The following OSBP2 variants were observed in gnomAD, a reference collection of about 807,000 sequenced individuals.
The protein encoded by OSBP2 is oxysterol-binding protein 2.
In OSBP2, 66 loss-of-function variants were observed where a neutral mutation model predicts 96.0. The ratio of observed to expected loss-of-function variants is 0.69; its 90% CI spans 0.56 to 0.84. OSBP2 has a LOEUF of 0.84. OSBP2 is among the 40% of genes least tolerant of loss of function. OSBP2 has a pLI of 0.00. For missense variants in OSBP2, 1,038 were observed against 1,222.7 expected (o/e 0.85, Z 2.25); for synonymous variants, 525 against 520.9 (o/e 1.01, Z -0.11).
chr22:30,851,049 A>C (rs2038969588), intron 2 of OSBP2, among the ~76,000 whole-genome samples: 1 of 151,688 alleles, frequency 6.6e-6, no homozygotes, highest in African/African-American at 2.4e-5. Flanking sequence ...TGTCATTTTA[A>C]ATGGTACTAT....
At chr22:30,902,216 G>GCC (rs1250361405) in intron 12 of OSBP2, 1 of 1,373,330 alleles carries the variant, frequency 7.3e-7, no homozygotes, top group Non-Finnish European at 1.0e-6. Flanking sequence ...CGCTCACAGA[G>GCC]CCCCACACAC....
At chr22:30,891,690 G>A (rs1337027008) in intron 8 of OSBP2, among the ~76,000 whole-genome samples, 1 of 152,088 alleles carries the variant, frequency 6.6e-6, no homozygotes, top group Non-Finnish European at 1.5e-5. Context: ...GCTTTTGAAG[G>A]ATGAGCCAGC....
intron 1 of OSBP2, among the ~76,000 whole-genome samples, chr22:30,733,438 C>G (rs950227410): frequency 2.0e-5 from 3 of 152,152 alleles, no homozygotes; most frequent in Non-Finnish European, 4.4e-5. Flanking sequence ...GGTTTCCATC[C>G]ACTTCCCATT....
chr22:30,905,840 G>C lies in OSBP2; in HGVS notation c.2379G>C (p.Glu793Asp). The change falls in exon 13 of 14, where the codon GAG (glutamate) becomes GAC (aspartate). Residue 793 changes from glutamate (E) to aspartate (D), a missense_variant. Transcript: ENST00000332585. ...KLLWKKYPLP[E>D]NAENMYYFSE... The stretch of plus-strand genomic sequence containing the variant: ...ACCGCCACCACCACCGCCACAGGGA[G>C]AACGCGGAGAACATGTACTACTTCT... The C allele has an allele frequency of 6.2e-7, 1 of 1,612,872 alleles. No homozygotes were observed. Among genetic ancestry groups the C allele is most frequent in the African/African-American group, 1.3e-5 (1 of 75,034 alleles).
At chr22:30,731,327 G>C (rs564913927) in intron 1 of OSBP2, among the ~76,000 whole-genome samples, 1 of 152,252 alleles carries the variant, frequency 6.6e-6, no homozygotes, top group Admixed American at 6.5e-5. Flanking sequence ...GCGAGCTACA[G>C]AGACACGGTG....
At chr22:30,822,262 G>A (rs1408451606) in intron 2 of OSBP2, among the ~76,000 whole-genome samples, 1 of 152,250 alleles carries the variant, frequency 6.6e-6, no homozygotes, top group African/African-American at 2.4e-5. Context: ...TGCTGCAGGG[G>A]ACAGCACTTT....
In OSBP2 at chr22:30,715,856, CTTT is replaced by C. The variant is rs56747830; in HGVS notation, c.644+20320_644+20322del. Among the ~76,000 whole-genome samples the C allele has an allele frequency of 5.7e-3, 744 of 130,234 alleles. 5 individuals are homozygous for C. The highest frequency in any genetic ancestry group is 0.017 in the East Asian group (74 of 4,280). The allele number at this position is 130,234 out of a possible 152,430, so 85.4% of individuals were successfully genotyped here. A position where few individuals can be genotyped will look rare whatever the true frequency, so the allele number is the denominator to read the frequency against. On this transcript the variant is annotated intron_variant, in intron 1 of 13. Transcript: ENST00000332585. ...ATAAGCATGAGCCACCACACCTAAC[CTTT>C]TTTTTTTTTTTTTTTTAACACAGGA...
chr22:30,737,529 A>G (rs979532690), intron 1 of OSBP2, among the ~76,000 whole-genome samples: 4 of 150,754 alleles, frequency 2.7e-5, no homozygotes, highest in Non-Finnish European at 4.4e-5. Flanking sequence ...GGGTCTTCCT[A>G]TGTTGCCCAT....
At chr22:30,700,763 A>G (rs1007287176) in intron 1 of OSBP2, among the ~76,000 whole-genome samples, 2 of 152,154 alleles carry the variant, frequency 1.3e-5, no homozygotes, top group Non-Finnish European at 2.9e-5. Flanking sequence ...TCTATAAGGT[A>G]GATAGCTGCA....
chr22:30,744,132 T>C (rs575995851), intron 2 of OSBP2, among the ~76,000 whole-genome samples: 13 of 152,304 alleles, frequency 8.5e-5, no homozygotes, highest in South Asian at 6.2e-4. Flanking sequence ...TCTGTGTTTA[T>C]GGAAAGATTG....
rs371993896 is a variant in OSBP2 at position 30,875,210 on chromosome 22, C to T, written c.1107+4528C>T. On this transcript the variant is annotated intron_variant, in intron 3 of 13. Coordinates refer to ENST00000332585, the MANE Select transcript of OSBP2 (RefSeq NM_030758.4). ...CCTCAGCCTGCCGAGGTCACCCCTGCACCCCGCACCCCCCTGCACTCCCCT... is the reference window on the plus strand; with the variant it reads ...CCTCAGCCTGCCGAGGTCACCCCTGTACCCCGCACCCCCCTGCACTCCCCT... Among the ~76,000 whole-genome samples the T allele has an allele frequency of 1.2e-4, 18 of 152,166 alleles. No individual in the cohort carries two copies. The South Asian group carries it at 2.7e-3, about 23-fold the overall frequency.
intron 1 of OSBP2, among the ~76,000 whole-genome samples, chr22:30,697,392 C>T (rs182359326): frequency 1.9e-3 from 294 of 152,266 alleles, no homozygotes; most frequent in African/African-American, 7.0e-3. Flanking sequence ...AGTTCTCCTG[C>T]CTCAGTCTCC....
intron 2 of OSBP2, among the ~76,000 whole-genome samples, chr22:30,869,249 A>G (rs55748187): frequency 0.06 from 9,067 of 152,218 alleles, 330 homozygotes; most frequent in Middle Eastern, 0.13. Context: ...TGCCTCTCTC[A>G]TGGAGGCCTC....
chr22:30,833,568 G>A (rs1004216231), intron 2 of OSBP2, among the ~76,000 whole-genome samples: 6 of 152,154 alleles, frequency 3.9e-5, no homozygotes, highest in African/African-American at 1.2e-4. Context: ...AGACATTGAC[G>A]CAGAATTTGC....
At position 30,832,420 on chromosome 22, in the gene OSBP2, A is replaced by G. The variant is rs528275267; in HGVS notation, c.854-38009A>G. 3.2e-4 allele frequency among the ~76,000 whole-genome samples: 49 copies of G among 151,464 alleles called. 1 individual carries two copies. The Middle Eastern group carries it at 0.021, about 64-fold the overall frequency. ...ATCCTCCCACCTCAGCCTCCCAAGT[A>G]GCTGGGACTACAGGCATGTGCCACC... On this transcript the variant is annotated intron_variant, in intron 2 of 13. Transcript: ENST00000332585.
chr22:30,795,518 ATTTT>A (rs136288), intron 2 of OSBP2, among the ~76,000 whole-genome samples: 1 of 122,294 alleles, frequency 8.2e-6, no homozygotes, highest in Admixed American at 8.5e-5. Flanking sequence ...TATCCAATGC[ATTTT>A]TTTTTTTTTT....
intron 2 of OSBP2, among the ~76,000 whole-genome samples, chr22:30,780,463 C>T (rs136307): frequency 0.094 from 14,327 of 152,184 alleles, 854 homozygotes; most frequent in Non-Finnish European, 0.14. Context: ...TGTAATGCAC[C>T]CAGGCTACTA....
At chr22:30,898,673 C>A (rs951098279) in intron 12 of OSBP2, among the ~76,000 whole-genome samples, 3 of 151,844 alleles carry the variant, frequency 2.0e-5, no homozygotes, top group African/African-American at 4.8e-5. Context: ...GGAAACCACC[C>A]CCATGGTCCA....
At chr22:30,717,150 T>C (rs2089476248) in intron 1 of OSBP2, among the ~76,000 whole-genome samples, 1 of 149,534 alleles carries the variant, frequency 6.7e-6, no homozygotes, top group African/African-American at 2.5e-5. Context: ...AGGGTCTCGC[T>C]ATGTTGCTCA....
Sources: allele counts gnomAD v4.1 joint callset (sites outside exome capture counted in the v4.1 genomes callset), GRCh38; gene constraint gnomAD v4.1.1; transcripts MANE v1.5; gene names NCBI Gene and HGNC (gene_info 2026-07-23, HGNC 2026-07-21).